Variants in ENOSF1 observed in about 807,000 individuals in gnomAD.
ENOSF1 encodes the protein enolase superfamily member 1.
In ENOSF1, 73 loss-of-function variants were observed where a neutral mutation model predicts 68.2. The ratio of observed to expected loss-of-function variants is 1.07; its 90% CI spans 0.89 to 1.30. The LOEUF is 1.30. Ranked by LOEUF, ENOSF1 falls within the 50% of genes most tolerant of loss-of-function variation. ENOSF1 has a pLI of 0.00. For missense variants in ENOSF1, 589 were observed against 554.5 expected (o/e 1.06, Z -0.62); for synonymous variants, 223 against 210.4 (o/e 1.06, Z -0.52).
At chr18:679,147 A>T (rs1388859814) in intron 11 of ENOSF1, among the ~76,000 whole-genome samples, 1 of 148,198 alleles carries the variant, frequency 6.7e-6, no homozygotes, top group African/African-American at 2.5e-5. Context: ...GTGGGTCATC[A>T]CTCCATCAAT....
At chr18:701,927 A>T (rs944758242) in intron 2 of ENOSF1, among the ~76,000 whole-genome samples, 7 of 142,130 alleles carry the variant, frequency 4.9e-5, no homozygotes, top group Admixed American at 2.8e-4. Flanking sequence ...CTCAAAAATA[A>T]ATAAATACAT....
Position 670,654 on chromosome 18 carries a change from C to G in ENOSF1, c.*3651G>C. 1 of 1,606,510 alleles carries G rather than the reference C, an allele frequency of 6.2e-7. No individual in the cohort carries two copies. Among genetic ancestry groups the G allele is most frequent in the Non-Finnish European group, 8.5e-7 (1 of 1,175,396 alleles). Reference sequence around the variant, plus strand: ...TTGCCTTTAGCTGTGGTCTTTCAAACCACCATCCCTCCTTATCTTCCTCTG... The same window carrying G: ...TTGCCTTTAGCTGTGGTCTTTCAAAGCACCATCCCTCCTTATCTTCCTCTG... On this transcript the variant is annotated 3_prime_UTR_variant, in exon 16 of 16. Transcript: ENST00000647584.
At chr18:683,167 A>G (rs764381929) in intron 11 of ENOSF1, 79 bp downstream of exon 11, 128 of 1,541,162 alleles carry the variant, frequency 8.3e-5, no homozygotes, top group Non-Finnish European at 1.1e-4. Flanking sequence ...AAGTGAAGAA[A>G]TTTTAGGATC....
intron 11 of ENOSF1, among the ~76,000 whole-genome samples, chr18:681,234 C>T (rs1330978113): frequency 6.6e-6 from 1 of 152,174 alleles, no homozygotes; most frequent in Non-Finnish European, 1.5e-5. Context: ...GTGGACAGAC[C>T]CCATAATCCA....
chr18:686,365 C>T (rs973927578), intron 9 of ENOSF1: 1 of 247,104 alleles, frequency 4.0e-6, no homozygotes, highest in Non-Finnish European at 7.9e-6. Context: ...AAAGGGGTGC[C>T]GAGTAAGCCA....
chr18:683,061 G>T, intron 11 of ENOSF1, 185 bp downstream of exon 11: 1 of 707,858 alleles, frequency 1.4e-6, no homozygotes, highest in Non-Finnish European at 2.3e-6. Flanking sequence ...CAAAGTATAA[G>T]CTGAAGTAGA....
chr18:697,300 G>A lies in ENOSF1; in HGVS notation c.249C>T (p.Asp83=). The A allele has an allele frequency of 6.2e-7, 1 of 1,613,964 alleles. No homozygotes were observed. Among genetic ancestry groups the A allele is most frequent in the Non-Finnish European group, 8.5e-7 (1 of 1,179,924 alleles). The change falls in exon 3 of 16, where the codon GAC becomes GAT. Residue 83 remains aspartate, a synonymous_variant. Transcript: ENST00000647584. ...AGAAGCCTCTGAAGTCACCAACAAT[G>A]TCCTTGAGGTCCTTGTTGAGCACAT... is the stretch of plus-strand genomic sequence containing the variant. The part of the protein sequence containing the change: ...AHHVLNKDLK[D]IVGDFRGFYR...
At chr18:708,833 T>C (rs1177512870) in intron 1 of ENOSF1, among the ~76,000 whole-genome samples, 1 of 152,050 alleles carries the variant, frequency 6.6e-6, no homozygotes, top group Non-Finnish European at 1.5e-5. Context: ...GGTGCCCACC[T>C]GGGTTGGCTG....
rs778166196 is a variant in ENOSF1 at position 671,490 on chromosome 18, C to G, written c.*2815G>C. The G allele has an allele frequency of 9.1e-6, 12 of 1,324,806 alleles. No homozygotes were observed. Among genetic ancestry groups the G allele is most frequent in the East Asian group, 2.3e-5 (1 of 43,512 alleles). The allele number at this position is 1,324,806 out of a possible 1,614,324, so 82.1% of individuals were successfully genotyped here. A position where few individuals can be genotyped will look rare whatever the true frequency, so the allele number is the denominator to read the frequency against. ...GTTATACTTTTGGGTTTGGTACCTT[C>G]TCTTGATAAAAGGTTGACTGTGGAA... On this transcript the variant is annotated 3_prime_UTR_variant, in exon 16 of 16. Transcript: ENST00000647584.
At position 706,475 on chromosome 18, in the gene ENOSF1, T is replaced by A; in HGVS notation, c.188A>T (p.Glu63Val). Residue 63 changes from glutamate to valine, a missense_variant, in exon 2 of 16, where the codon GAA becomes GTA. Coordinates refer to ENST00000647584, the MANE Select transcript of ENOSF1 (RefSeq NM_017512.7). ...CGAGAGAATCTTCAACTCACCAACT[T>A]CAGTGCCTTTTCCCAGAGTGAAGGT... is the stretch of plus-strand genomic sequence containing the variant. Reference protein sequence around the residue: ...GITFTLGKGTEVVVCAVNALA... With the variant: ...GITFTLGKGTVVVVCAVNALA... 2 of 1,610,090 alleles carry A rather than the reference T, an allele frequency of 1.2e-6. No homozygotes were observed. Among genetic ancestry groups the A allele is most frequent in the Non-Finnish European group, 1.7e-6 (2 of 1,176,366 alleles).
intron 3 of ENOSF1, among the ~76,000 whole-genome samples, chr18:695,486 T>C (rs1434231031): frequency 1.3e-5 from 2 of 152,238 alleles, no homozygotes; most frequent in East Asian, 3.8e-4. Flanking sequence ...CAATTAATTG[T>C]AGCTATGACA....
Position 683,380 on chromosome 18 carries a change from T to C in ENOSF1, c.742A>G (p.Met248Val), listed in dbSNP as rs757142346. 1.4e-5 allele frequency: 22 copies of C among 1,613,800 alleles called. No individual in the cohort carries two copies. Among genetic ancestry groups the C allele is most frequent in the Middle Eastern group, 1.6e-4 (1 of 6,082 alleles). ...TCCCAGCGCTGGTTGGCATCCATCA[T>C]CTGCAAAAAGAGACTCTTCACAGGG... ...RDMIGPEKTL[M>V]MDANQRWDVP... Residue 248 changes from methionine to valine, a missense_variant and splice_region_variant, in exon 11 of 16, where the codon ATG becomes GTG. Transcript: ENST00000647584.
chr18:712,393 T>G (rs1312097055), intron 1 of ENOSF1, 111 bp downstream of exon 1: 1 of 1,526,676 alleles, frequency 6.6e-7, no homozygotes, highest in Non-Finnish European at 8.7e-7. Context: ...CGTCCGCGCT[T>G]ACCATGGCGT....
At chr18:692,920 A>G in intron 5 of ENOSF1, 1 of 1,176,656 alleles carries the variant, frequency 8.5e-7, no homozygotes, top group African/African-American at 1.6e-5. Flanking sequence ...CTTCAAGGCC[A>G]TGGTGTTCTT....
intron 1 of ENOSF1, among the ~76,000 whole-genome samples, chr18:708,306 C>T (rs2079153368): frequency 6.6e-6 from 1 of 152,108 alleles, no homozygotes; most frequent in Non-Finnish European, 1.5e-5. Context: ...GCATCAAGTA[C>T]GTGTCAGAGC....
Position 693,881 on chromosome 18 carries a change from C to T in ENOSF1, c.423+1G>A. On this transcript the variant is annotated splice_donor_variant, in intron 5 of 15. Coordinates refer to ENST00000647584, the MANE Select transcript of ENOSF1 (RefSeq NM_017512.7). LOFTEE classifies it high-confidence loss of function. Reference sequence around the variant, plus strand: ...ATTGTAACATTAACAATGCTACTCACCATGTCCACAAGTAACTTCCAGACA... The same window carrying T: ...ATTGTAACATTAACAATGCTACTCATCATGTCCACAAGTAACTTCCAGACA... The T allele has an allele frequency of 1.9e-6, 3 of 1,614,040 alleles. No homozygotes were observed. The highest frequency in any genetic ancestry group is 2.2e-5 in the East Asian group (1 of 44,888).
At chr18:697,009 C>G (rs1026933818) in intron 3 of ENOSF1, among the ~76,000 whole-genome samples, 1 of 152,060 alleles carries the variant, frequency 6.6e-6, no homozygotes, top group Non-Finnish European at 1.5e-5. Context: ...CCCAGCTACT[C>G]AGGAGGCTGA....
In ENOSF1 at chr18:687,879, C is replaced by T. The variant is rs187057212; in HGVS notation, c.653+695G>A. ...GCAAAGGGTTGCTGATATTAAAGAC[C>T]CACCTGGCTGGGTGCAGTGGCTCAC... On this transcript the variant is annotated intron_variant, in intron 9 of 15. Coordinates refer to ENST00000647584, the MANE Select transcript of ENOSF1 (RefSeq NM_017512.7). The T allele has an allele frequency of 4.4e-3, 670 of 152,462 alleles. 1 individual carries two copies. Among genetic ancestry groups the T allele is most frequent in the Non-Finnish European group, 6.1e-3 (415 of 68,244 alleles). 9.4% of individuals were successfully genotyped at this position (152,462 alleles called of 1,614,324 possible). A position where few individuals can be genotyped will look rare whatever the true frequency, so the allele number is the denominator to read the frequency against.
At position 677,875 on chromosome 18, in the gene ENOSF1, G is replaced by A. The variant is rs1048679626; in HGVS notation, c.919-3C>T. The stretch of plus-strand genomic sequence containing the variant: ...TTAAATATCACTCTATTGTGGCACT[G>A]GAAATAGAATTGAAAATAACACCAA... On this transcript the variant is annotated splice_region_variant and splice_polypyrimidine_tract_variant and intron_variant, in intron 12 of 15. Coordinates refer to ENST00000647584, the MANE Select transcript of ENOSF1 (RefSeq NM_017512.7). 3.1e-6 allele frequency: 5 copies of A among 1,610,910 alleles called. No homozygotes were observed. The African/African-American group carries it at 5.3e-5, about 17-fold the overall frequency.
Sources: allele counts gnomAD v4.1 joint callset (sites outside exome capture counted in the v4.1 genomes callset), GRCh38; gene constraint gnomAD v4.1.1; transcripts MANE v1.5; gene names NCBI Gene and HGNC (gene_info 2026-07-23, HGNC 2026-07-21).